The following UHRF2 variants were observed in gnomAD, a reference collection of about 807,000 sequenced individuals.
UHRF2 encodes ubiquitin like with PHD and ring finger domains 2, also known as E3 ubiquitin-protein ligase UHRF2.
In UHRF2, 23 loss-of-function variants were observed where a neutral mutation model predicts 96.8. That is an observed-to-expected ratio of 0.24 (90% CI 0.17 to 0.34). The LOEUF is 0.34. UHRF2 is among the 10% of genes least tolerant of loss of function. The pLI is 1.00. For synonymous variants in UHRF2, 385 were observed against 332.6 expected (o/e 1.16, Z -1.72); for missense variants, 685 against 981.5 (o/e 0.70, Z 4.04).
chr9:6,481,827 C>T (rs1823945617), intron 7 of UHRF2, 61 bp downstream of exon 7: 2 of 1,570,980 alleles, frequency 1.3e-6, no homozygotes, highest in Non-Finnish European at 1.7e-6. Context: ...TGTTTTAATA[C>T]CAATAGTAGT....
chr9:6,449,134 G>A (rs903292255), intron 3 of UHRF2, among the ~76,000 whole-genome samples: 2 of 152,124 alleles, frequency 1.3e-5, no homozygotes, highest in African/African-American at 2.4e-5. Flanking sequence ...ATCCTAAGAA[G>A]TAAAGGTCTT....
intron 9 of UHRF2, among the ~76,000 whole-genome samples, chr9:6,487,428 T>C (rs1360248815): frequency 6.6e-6 from 1 of 152,108 alleles, no homozygotes; most frequent in Non-Finnish European, 1.5e-5. Context: ...GTTCAGTGGC[T>C]CAGTCTCGGC....
At chr9:6,422,607 A>G in intron 2 of UHRF2, 1 of 616,070 alleles carries the variant, frequency 1.6e-6, no homozygotes. Flanking sequence ...TTCTCCATTA[A>G]CTTAGATCTT....
chr9:6,468,450 A>G (rs1810367138), intron 4 of UHRF2: 1 of 456,086 alleles, frequency 2.2e-6, no homozygotes, highest in Non-Finnish European at 4.4e-6. Flanking sequence ...AGAATCAAAG[A>G]GAACCAACTG....
intron 3 of UHRF2, among the ~76,000 whole-genome samples, chr9:6,456,791 T>C (rs1352761082): frequency 6.6e-6 from 1 of 152,214 alleles, no homozygotes; most frequent in African/African-American, 2.4e-5. Flanking sequence ...AAATAGGGAA[T>C]CCTTTCCCCA....
intron 2 of UHRF2, among the ~76,000 whole-genome samples, chr9:6,431,315 TC>T (rs1820550385): frequency 1.3e-5 from 2 of 152,114 alleles, no homozygotes; most frequent in African/African-American, 4.8e-5. Context: ...AGTAGGATAA[TC>T]CTTTTTTTTG....
At chr9:6,492,672 A>G (rs1348739375) in intron 9 of UHRF2, 1 of 152,660 alleles carries the variant, frequency 6.6e-6, no homozygotes, top group East Asian at 1.9e-4. Context: ...ACTAATTAAA[A>G]TGATCTTGCA....
At chr9:6,435,769 G>C (rs1251915092) in intron 3 of UHRF2, among the ~76,000 whole-genome samples, 2 of 151,932 alleles carry the variant, frequency 1.3e-5, no homozygotes, top group African/African-American at 4.8e-5. Flanking sequence ...TACCACACCA[G>C]GCTAATTCTT....
chr9:6,437,838 G>A (rs1372571909), intron 3 of UHRF2, among the ~76,000 whole-genome samples: 1 of 151,980 alleles, frequency 6.6e-6, no homozygotes, highest in Non-Finnish European at 1.5e-5. Context: ...AGGTGGTCTT[G>A]AATTCCTGAT....
chr9:6,506,990 C>A lies in UHRF2; in HGVS notation c.*811C>A, dbSNP rs903403869. 2 of 152,424 alleles carry A rather than the reference C, an allele frequency of 1.3e-5. No homozygotes were observed. Among genetic ancestry groups the A allele is most frequent in the African/African-American group, 2.4e-5 (1 of 41,396 alleles). The allele number at this position is 152,424 out of a possible 1,614,324, so 9.4% of individuals were successfully genotyped here. ...ATTTGAAATTGCTTCATATTGTGATCCTAAATTTTATATTCACTATATTCC... is the reference window on the plus strand; with the variant it reads ...ATTTGAAATTGCTTCATATTGTGATACTAAATTTTATATTCACTATATTCC... On this transcript the variant is annotated 3_prime_UTR_variant, in exon 16 of 16. Transcript: ENST00000276893.
At chr9:6,426,835 G>T (rs1490649474) in intron 2 of UHRF2, among the ~76,000 whole-genome samples, 1 of 152,118 alleles carries the variant, frequency 6.6e-6, no homozygotes, top group African/African-American at 2.4e-5. Flanking sequence ...TGCAACCTCT[G>T]CCTCCTGGGT....
chr9:6,413,789 G>T (rs1193512835), intron 1 of UHRF2, 146 bp downstream of exon 1: 2 of 1,079,030 alleles, frequency 1.9e-6, no homozygotes, highest in Non-Finnish European at 2.4e-6. Flanking sequence ...CGAGGCGCGG[G>T]GTGCGGGGCC....
At position 6,499,949 on chromosome 9, in the gene UHRF2, A is replaced by G. The variant is rs562047956; in HGVS notation, c.2005+18A>G. 6.5e-7 allele frequency: 1 copy of G among 1,534,952 alleles called. No homozygotes were observed. Among genetic ancestry groups the G allele is most frequent in the African/African-American group, 1.4e-5 (1 of 72,562 alleles). ...TTCAGATGGTAGGTAATGATTGCAA[A>G]ATATAAATAATAATAACATACTTTT... On this transcript the variant is annotated intron_variant, in intron 13 of 15. Transcript: ENST00000276893.
At chr9:6,495,496 G>A (rs1051996298) in intron 10 of UHRF2, 2 of 152,212 alleles carry the variant, frequency 1.3e-5, no homozygotes, top group African/African-American at 4.8e-5. Context: ...TCTTTGCCCA[G>A]TAGTGTATGG....
rs1825020341 is a variant in UHRF2 at position 6,497,184 on chromosome 9, T to C, written c.1605-14T>C. ...AAAATTACATGGTATAAAGACTTCT[T>C]TGTTGTTTTTTAGGGCATTGGCCCT... is the stretch of plus-strand genomic sequence containing the variant. On this transcript the variant is annotated splice_polypyrimidine_tract_variant and intron_variant, in intron 10 of 15. Transcript: ENST00000276893. The C allele has an allele frequency of 6.2e-7, 1 of 1,611,094 alleles. No homozygotes were observed. The highest frequency in any genetic ancestry group is 1.3e-5 in the African/African-American group (1 of 74,738).
intron 9 of UHRF2, among the ~76,000 whole-genome samples, chr9:6,493,247 G>A (rs1017703153): frequency 2.0e-5 from 3 of 152,120 alleles, no homozygotes; most frequent in East Asian, 1.9e-4. Flanking sequence ...ACAGCGAGCC[G>A]AGATCGTGCC....
chr9:6,482,596 GC>G (rs1461406764), intron 8 of UHRF2, among the ~76,000 whole-genome samples: 7 of 148,104 alleles, frequency 4.7e-5, no homozygotes, highest in African/African-American at 1.7e-4. Context: ...AATAAGAGGG[GC>G]CTTTTTTTTT....
intron 4 of UHRF2, among the ~76,000 whole-genome samples, chr9:6,462,571 A>T (rs1822610371): frequency 6.6e-6 from 1 of 152,198 alleles, no homozygotes; most frequent in Admixed American, 6.5e-5. Flanking sequence ...AAGCATGTGT[A>T]CACAGTAGGA....
chr9:6,428,115 A>C (rs969097845), intron 2 of UHRF2, among the ~76,000 whole-genome samples: 19 of 152,212 alleles, frequency 1.2e-4, no homozygotes, highest in Non-Finnish European at 5.9e-5. Flanking sequence ...TAAACTTCTT[A>C]CATGTTTTCT....
Sources: allele counts gnomAD v4.1 joint callset (sites outside exome capture counted in the v4.1 genomes callset), GRCh38; gene constraint gnomAD v4.1.1; transcripts MANE v1.5; gene names NCBI Gene and HGNC (gene_info 2026-07-23, HGNC 2026-07-21).